The following GREB1 variants were observed in gnomAD, a reference collection of about 807,000 sequenced individuals.
GREB1 encodes the protein growth regulating estrogen receptor binding 1.
Under a neutral mutation model 200.7 loss-of-function variants are expected in GREB1, and 106 were observed. That is an observed-to-expected ratio of 0.53 (90% CI 0.45 to 0.62). The LOEUF (loss-of-function observed/expected upper bound fraction) is 0.62. Ranked by LOEUF, GREB1 falls within the 20% of genes least tolerant of loss-of-function variation. The pLI is 0.00. For missense variants in GREB1, 2,243 were observed against 2,556.8 expected (o/e 0.88, Z 2.65); for synonymous variants, 1,132 against 1,092.4 (o/e 1.04, Z -0.72).
intron 1 of GREB1, among the ~76,000 whole-genome samples, chr2:11,552,774 G>A (rs1676003902): frequency 6.6e-6 from 1 of 152,100 alleles, no homozygotes. Context: ...CACTTTGGGA[G>A]GCCGAGGCGG....
chr2:11,612,376 G>C (rs1402947742), intron 18 of GREB1, 119 bp from the exon 19 acceptor site: 3 of 1,429,784 alleles, frequency 2.1e-6, no homozygotes, highest in African/African-American at 2.9e-5. Context: ...ATTTCCTTTT[G>C]GTCAGAAGAT....
At chr2:11,620,418 G>A (rs984694742) in intron 22 of GREB1, among the ~76,000 whole-genome samples, 8 of 152,150 alleles carry the variant, frequency 5.3e-5, no homozygotes, top group South Asian at 2.1e-4. Flanking sequence ...GGAACTCTAC[G>A]TTATAGGAAG....
chr2:11,502,009 C>T lies in GREB1; in HGVS notation c.-159+19628C>T, dbSNP rs193229669. Among the ~76,000 whole-genome samples, 11 of 139,552 alleles carry T rather than the reference C, an allele frequency of 7.9e-5. No homozygotes were observed. The East Asian group carries it at 1.2e-3, about 15-fold the overall frequency. 91.6% of individuals were successfully genotyped at this position (139,552 alleles called of 152,430 possible). A position where few individuals can be genotyped will look rare whatever the true frequency, so the allele number is the denominator to read the frequency against. ...TCGGCTCACTGCAACCTCCACCTCC[C>T]GGGTTCAAGCGGTTCTCCTGCCTCA... On this transcript the variant is annotated intron_variant, in intron 1 of 2. Coordinates refer to the GREB1 transcript ENST00000628795.
Position 11,585,806 on chromosome 2 carries a change from C to A in GREB1, c.1060C>A (p.Pro354Thr), listed in dbSNP as rs1680026151. 1.2e-6 allele frequency: 2 copies of A among 1,613,560 alleles called. No individual in the cohort carries two copies. Among genetic ancestry groups the A allele is most frequent in the East Asian group, 4.5e-5 (2 of 44,892 alleles). Residue 354 changes from proline (P) to threonine (T), a missense_variant, in exon 9 of 33, where the codon CCA becomes ACA. Transcript: ENST00000381486. ...SCVPQVGLVG[P>T]ASVTFPVVAS... Reference sequence around the variant, plus strand: ...CGTGCCGCAGGTTGGCTTGGTGGGACCAGCTTCAGTCACCTTTCCAGTGGT... The same window carrying A: ...CGTGCCGCAGGTTGGCTTGGTGGGAACAGCTTCAGTCACCTTTCCAGTGGT...
chr2:11,516,351 C>T (rs914170898), intron 1 of GREB1, among the ~76,000 whole-genome samples: 39 of 136,954 alleles, frequency 2.8e-4, no homozygotes, highest in African/African-American at 9.6e-4. Context: ...TGTGTGTGCA[C>T]GCAATCTGTT....
rs148451425 is a variant in GREB1 at position 11,575,002 on chromosome 2, T to C, written c.455-1351T>C. Among the ~76,000 whole-genome samples the C allele has an allele frequency of 1.4e-4, 22 of 152,346 alleles. No individual in the cohort carries two copies. The South Asian group carries it at 2.3e-3, about 16-fold the overall frequency. ...AAAGACTAGATGTGCTCAAAGTAGA[T>C]CAGGGAGTCCTGTAGGCCTCTGTAA... On this transcript the variant is annotated intron_variant, in intron 4 of 32. Transcript: ENST00000381486.
At chr2:11,524,972 T>C (rs1343521239) in intron 1 of GREB1, among the ~76,000 whole-genome samples, 1 of 152,190 alleles carries the variant, frequency 6.6e-6, no homozygotes, top group Non-Finnish European at 1.5e-5. Flanking sequence ...CCCTCATGTT[T>C]CTCTCTTCTG....
chr2:11,565,829 C>T (rs1269902136), intron 3 of GREB1, among the ~76,000 whole-genome samples: 1 of 152,064 alleles, frequency 6.6e-6, no homozygotes, highest in East Asian at 1.9e-4. Context: ...CTTTCTCATC[C>T]CCATAAAATG....
chr2:11,514,989 C>T (rs569805191), intron 1 of GREB1, among the ~76,000 whole-genome samples: 4 of 151,178 alleles, frequency 2.6e-5, no homozygotes, highest in African/African-American at 9.7e-5. Context: ...CATCCATCCG[C>T]GCATGTGTCC....
At chr2:11,592,107 T>G (rs1168746444) in intron 10 of GREB1, 4 of 982,550 alleles carry the variant, frequency 4.1e-6, no homozygotes, top group Non-Finnish European at 4.8e-6. Context: ...ACCACCGTAG[T>G]TCCAGTCCTA....
At chr2:11,616,883 A>G (rs6735957) in intron 21 of GREB1, among the ~76,000 whole-genome samples, 163 bp downstream of exon 21, 145,424 of 152,338 alleles carry the variant, frequency 0.95, 69,670 homozygotes, top group Non-Finnish European at 1. Flanking sequence ...GAGAGTAAAT[A>G]TTGTGGTCAA....
In GREB1 at chr2:11,634,280, G is replaced by A. The variant is rs547987056; in HGVS notation, c.5141G>A (p.Arg1714His). The change falls in exon 29 of 33, where the codon CGC becomes CAC. Residue 1714 changes from arginine (R) to histidine (H), a missense_variant. Arg to His is a conservative substitution (Grantham distance 29). Coordinates refer to ENST00000381486, the MANE Select transcript of GREB1 (RefSeq NM_014668.4). ...AGCGAGGTGCAAGAGCCCTTCTCCCGCTGCCACGTGCACAACTTCATCATC... is the reference window on the plus strand; with the variant it reads ...AGCGAGGTGCAAGAGCCCTTCTCCCACTGCCACGTGCACAACTTCATCATC... The part of the protein sequence containing the change: ...RASEVQEPFS[R>H]CHVHNFIILN... The A allele has an allele frequency of 1.9e-5, 30 of 1,614,112 alleles. No homozygotes were observed. Among genetic ancestry groups the A allele is most frequent in the Admixed American group, 8.3e-5 (5 of 60,022 alleles).
rs111784174 is a variant in GREB1, at chr2:11,494,831, C to T, written c.-159+12450C>T. 4.7e-3 allele frequency among the ~76,000 whole-genome samples: 715 copies of T among 152,250 alleles called. 10 individuals are homozygous for T. Among genetic ancestry groups the T allele is most frequent in the African/African-American group, 0.016 (668 of 41,552 alleles). On this transcript the variant is annotated intron_variant, in intron 1 of 2. Transcript: ENST00000628795. Reference sequence around the variant, plus strand: ...CTGCCAAAATCCAGCGAGTTTACACCGCAGGTGCTTAGACCATTGCCTCAT... The same window carrying T: ...CTGCCAAAATCCAGCGAGTTTACACTGCAGGTGCTTAGACCATTGCCTCAT...
intron 1 of GREB1, among the ~76,000 whole-genome samples, chr2:11,506,527 G>A (rs1364320212): frequency 6.6e-6 from 1 of 152,184 alleles, no homozygotes; most frequent in Non-Finnish European, 1.5e-5. Flanking sequence ...GGAAAAGAGT[G>A]GAGATTTAGT....
rs1036003123 is a variant in GREB1, at chr2:11,515,186, C to T, written c.-159+32805C>T. Among the ~76,000 whole-genome samples, 3 of 152,252 alleles carry T rather than the reference C, an allele frequency of 2.0e-5. No homozygotes were observed. The East Asian group carries it at 5.8e-4, about 29-fold the overall frequency. Reference sequence around the variant, plus strand: ...CCATCCATCCATCCATCCATCCATCCGTTCATGCACGCACCCACTCACTCA... The same window carrying T: ...CCATCCATCCATCCATCCATCCATCTGTTCATGCACGCACCCACTCACTCA... On this transcript the variant is annotated intron_variant, in intron 1 of 2. Coordinates refer to the GREB1 transcript ENST00000628795.
At chr2:11,576,288 C>G in intron 4 of GREB1, 65 bp from the exon 5 acceptor site, 1 of 1,344,350 alleles carries the variant, frequency 7.4e-7, no homozygotes, top group South Asian at 1.4e-5. Flanking sequence ...GCCTAGATGA[C>G]AAGAACGAGA....
At chr2:11,550,349 G>T (rs1340679281) in intron 1 of GREB1, among the ~76,000 whole-genome samples, 1 of 152,232 alleles carries the variant, frequency 6.6e-6, no homozygotes, top group African/African-American at 2.4e-5. Context: ...CCTTAAGCAT[G>T]ATTGCATTTT....
At chr2:11,542,364 G>A (rs1410531796) in intron 1 of GREB1, among the ~76,000 whole-genome samples, 1 of 152,150 alleles carries the variant, frequency 6.6e-6, no homozygotes, top group South Asian at 2.1e-4. Context: ...TGGAGCTTGG[G>A]GTGGCCTGGG....
intron 4 of GREB1, among the ~76,000 whole-genome samples, chr2:11,576,132 C>T (rs1392393735): frequency 4.6e-5 from 7 of 151,870 alleles, no homozygotes; most frequent in South Asian, 2.1e-4. Context: ...GGTGAAACCC[C>T]GTCTCTACTA....
Sources: gnomAD v4.1 joint callset for allele counts (sites outside exome capture counted in the v4.1 genomes callset) on GRCh38, gnomAD v4.1.1 for gene constraint, MANE v1.5 for transcripts, NCBI Gene and HGNC (gene_info 2026-07-23, HGNC 2026-07-21) for gene names.